Variants in MAJIN observed in about 807,000 individuals in gnomAD.
MAJIN encodes membrane anchored junction protein.
In MAJIN, 27 loss-of-function variants were observed where a neutral mutation model predicts 30.2. The observed-to-expected ratio is 0.89, with a 90% confidence interval of 0.66 to 1.23. The LOEUF is 1.23. Ranked by LOEUF, MAJIN falls within the 50% of genes most tolerant of loss-of-function variation. The probability of loss-of-function intolerance (pLI) is 0.00; values close to 1 mark genes in which losing one functional copy is unlikely to be tolerated. For missense variants in MAJIN, 253 were observed against 260.3 expected (o/e 0.97, Z 0.19); for synonymous variants, 78 against 91.6 (o/e 0.85, Z 0.85).
At chr11:64,962,128 C>A (rs982599585) in intron 1 of MAJIN, among the ~76,000 whole-genome samples, 2 of 152,156 alleles carry the variant, frequency 1.3e-5, no homozygotes, top group Admixed American at 6.5e-5. Flanking sequence ...TCCCGCCCCA[C>A]CCCTAACAGA....
intron 5 of MAJIN, 143 bp from the exon 6 acceptor site, chr11:64,950,011 G>A (rs1945525285): frequency 8.5e-7 from 1 of 1,171,414 alleles, no homozygotes; most frequent in Non-Finnish European, 1.2e-6. Flanking sequence ...TCTAAAATGT[G>A]AGCTGTAGCT....
chr11:64,961,331 C>A (rs1238809767), intron 1 of MAJIN, among the ~76,000 whole-genome samples: 2 of 151,746 alleles, frequency 1.3e-5, no homozygotes, highest in East Asian at 3.9e-4. Flanking sequence ...CCACGCCCAG[C>A]TAATTTTTGT....
Position 64,959,313 on chromosome 11 carries a change from C to CT in MAJIN, c.92dup (p.Ser32GlufsTer10). On this transcript the variant is annotated frameshift_variant, in exon 3 of 11. Transcript: ENST00000301896. LOFTEE classifies it high-confidence loss of function. ...CCTACCTTTGAAATTACCTGATACT[C>CT]TTCCCATATCTGATTTTGAATTTAT... 1.2e-6 allele frequency: 2 copies of CT among 1,611,928 alleles called. No individual in the cohort carries two copies. The highest frequency in any genetic ancestry group is 1.7e-6 in the Non-Finnish European group (2 of 1,178,074).
chr11:64,969,135 TG>T (rs1945857898), intron 1 of MAJIN, among the ~76,000 whole-genome samples: 1 of 152,120 alleles, frequency 6.6e-6, no homozygotes, highest in South Asian at 2.1e-4. Context: ...TCTACTGAGA[TG>T]GGGAATAATT....
intron 9 of MAJIN, 85 bp downstream of exon 9, chr11:64,940,489 G>T: frequency 1.4e-6 from 2 of 1,405,730 alleles, no homozygotes; most frequent in Non-Finnish European, 2.0e-6. Flanking sequence ...CCCAGACTCA[G>T]CTCTGTGCTG....
At chr11:64,954,405 G>A (rs1489338378) in intron 4 of MAJIN, 9 of 406,896 alleles carry the variant, frequency 2.2e-5, no homozygotes, top group South Asian at 1.3e-4. Context: ...TCAAGTACCA[G>A]GCAGTGGTTG....
intron 3 of MAJIN, among the ~76,000 whole-genome samples, chr11:64,958,688 G>A (rs997822399): frequency 6.6e-6 from 1 of 151,754 alleles, no homozygotes; most frequent in Non-Finnish European, 1.5e-5. Context: ...TCACTCTGTG[G>A]CCCAGGCTGG....
Position 64,938,399 on chromosome 11 carries a change from C to T in MAJIN, c.*176G>A. The stretch of plus-strand genomic sequence containing the variant: ...AAGGACACGATAAAACCACAGAGGA[C>T]TCAGCATGGGGACCTCATTCCCCAC... On this transcript the variant is annotated 3_prime_UTR_variant, in exon 11 of 11. Transcript: ENST00000301896. 1 of 1,054,542 alleles carries T rather than the reference C, an allele frequency of 9.5e-7. No individual in the cohort carries two copies. Among genetic ancestry groups the T allele is most frequent in the African/African-American group, 1.6e-5 (1 of 63,388 alleles). 65.3% of individuals were successfully genotyped at this position (1,054,542 alleles called of 1,614,324 possible).
chr11:64,947,779 C>A lies in MAJIN; in HGVS notation c.381+9G>T. 9 of 1,611,584 alleles carry A rather than the reference C, an allele frequency of 5.6e-6. No homozygotes were observed. Among genetic ancestry groups the A allele is most frequent in the Non-Finnish European group, 7.6e-6 (9 of 1,178,820 alleles). ...CAATTTTCATTTTGTACAGAAAAGG[C>A]AAACTTACCAACCCAAGAGGACTGT... is the stretch of plus-strand genomic sequence containing the variant. On this transcript the variant is annotated intron_variant, in intron 7 of 10. Coordinates refer to ENST00000301896, the MANE Select transcript of MAJIN (RefSeq NM_001037225.3).
intron 6 of MAJIN, among the ~76,000 whole-genome samples, chr11:64,948,934 A>T (rs1590695009): frequency 6.7e-6 from 1 of 149,426 alleles, no homozygotes; most frequent in Non-Finnish European, 1.5e-5. Flanking sequence ...GATTACAGGC[A>T]TAAGCCACCA....
At chr11:64,960,561 G>T (rs1272713640) in intron 1 of MAJIN, among the ~76,000 whole-genome samples, 1 of 152,312 alleles carries the variant, frequency 6.6e-6, no homozygotes, top group Non-Finnish European at 1.5e-5. Context: ...ATCCAGAATT[G>T]ATATTCTTTA....
intron 6 of MAJIN, among the ~76,000 whole-genome samples, chr11:64,948,862 C>A (rs1359164712): frequency 8.2e-5 from 12 of 147,022 alleles, no homozygotes; most frequent in African/African-American, 2.5e-4. Context: ...CCACGTTGGT[C>A]AGGCTGGTCT....
At chr11:64,965,378 A>T (rs240571) in intron 1 of MAJIN, among the ~76,000 whole-genome samples, 1 of 151,968 alleles carries the variant, frequency 6.6e-6, no homozygotes, top group Non-Finnish European at 1.5e-5. Flanking sequence ...AGATCAAAAG[A>T]CCTCAGTGGG....
At chr11:64,954,008 A>G (rs1389346942) in intron 4 of MAJIN, 1 of 153,894 alleles carries the variant, frequency 6.5e-6, no homozygotes, top group African/African-American at 2.4e-5. Flanking sequence ...ATGTGGAGGC[A>G]TATGTCTTAA....
At chr11:64,940,766 T>A in intron 8 of MAJIN, 120 bp from the exon 9 acceptor site, 2 of 775,274 alleles carry the variant, frequency 2.6e-6, no homozygotes, top group Non-Finnish European at 4.4e-6. Context: ...TCTGACTGCC[T>A]AGACAGGTTC....
Position 64,959,301 on chromosome 11 carries a change from T to C in MAJIN, c.101+4A>G, listed in dbSNP as rs1945685783. ...ATAGGCTACCCTCCTACCTTTGAAA[T>C]TACCTGATACTCTTCCCATATCTGA... On this transcript the variant is annotated splice_donor_region_variant and intron_variant, in intron 3 of 10. Coordinates refer to ENST00000301896, the MANE Select transcript of MAJIN (RefSeq NM_001037225.3). The C allele has an allele frequency of 6.2e-7, 1 of 1,607,944 alleles. No individual in the cohort carries two copies. The highest frequency in any genetic ancestry group is 1.3e-5 in the African/African-American group (1 of 74,734).
intron 1 of MAJIN, among the ~76,000 whole-genome samples, chr11:64,968,438 T>C (rs540191991): frequency 1.1e-3 from 166 of 151,850 alleles, no homozygotes; most frequent in African/African-American, 3.6e-3. Flanking sequence ...ACCCAGCTAA[T>C]TTTTGCAGAG....
At chr11:64,959,500 G>T in intron 2 of MAJIN, 78 bp from the exon 3 acceptor site, 3 of 1,090,068 alleles carry the variant, frequency 2.8e-6, no homozygotes, top group African/African-American at 1.6e-5. Context: ...TGCCCAATCT[G>T]TAACATCTCT....
intron 10 of MAJIN, among the ~76,000 whole-genome samples, chr11:64,939,307 C>T (rs914466710): frequency 2.0e-5 from 3 of 152,140 alleles, no homozygotes; most frequent in Non-Finnish European, 4.4e-5. Context: ...ACCATGTTGG[C>T]CAGGCTGGTC....
Sources: allele counts gnomAD v4.1 joint callset (sites outside exome capture counted in the v4.1 genomes callset), GRCh38; gene constraint gnomAD v4.1.1; transcripts MANE v1.5; gene names NCBI Gene and HGNC (gene_info 2026-07-23, HGNC 2026-07-21).